CNTN3: variants seen among roughly 807,000 people sequenced by gnomAD.
CNTN3 encodes contactin-3.
A neutral mutation model predicts 119.1 loss-of-function variants in CNTN3; 60 were observed. That is an observed-to-expected ratio of 0.50 (90% CI 0.41 to 0.62). The LOEUF (loss-of-function observed/expected upper bound fraction) is 0.62, where lower values mean the gene tolerates loss of function less well. CNTN3 is among the 20% of genes least tolerant of loss of function. CNTN3 has a pLI of 0.00. For synonymous variants in CNTN3, 450 were observed against 438.7 expected, an observed-to-expected ratio of 1.03 and a Z score of -0.32; for missense variants, 1,101 against 1,242.4, an observed-to-expected ratio of 0.89 and a Z score of 1.71.
At chr3:74,532,189 G>C (rs1703702493) in intron 1 of CNTN3, among the ~76,000 whole-genome samples, 1 of 151,976 alleles carries the variant, frequency 6.6e-6, no homozygotes, top group African/African-American at 2.4e-5. Flanking sequence ...TGAAGAACCA[G>C]AGAAACAGAA....
At chr3:74,377,405 A>G (rs1488809) in intron 5 of CNTN3, among the ~76,000 whole-genome samples, 152,091 of 152,278 alleles carry the variant, frequency 1, 75,952 homozygotes, top group Non-Finnish European at 1. Flanking sequence ...TCATATCAGA[A>G]TTTACTTATC....
chr3:74,351,882 T>C (rs552094872), intron 11 of CNTN3, among the ~76,000 whole-genome samples: 2 of 152,320 alleles, frequency 1.3e-5, no homozygotes, highest in South Asian at 2.1e-4. Context: ...GTATGGGAGT[T>C]ATTGGCAAAG....
chr3:74,299,791 G>T, intron 17 of CNTN3, 77 bp downstream of exon 17: 1 of 1,183,578 alleles, frequency 8.4e-7, no homozygotes, highest in Non-Finnish European at 1.2e-6. Context: ...TGCACCATTG[G>T]CACCACCACC....
At chr3:74,314,753 AC>A (rs1702787681) in intron 13 of CNTN3, among the ~76,000 whole-genome samples, 1 of 152,212 alleles carries the variant, frequency 6.6e-6, no homozygotes, top group African/African-American at 2.4e-5. Context: ...CAGGCAGAAA[AC>A]AAGTAAAGAC....
rs1361604556 is a variant in CNTN3, at chr3:74,302,797, C to T, written c.1679G>A (p.Gly560Asp). The T allele has an allele frequency of 2.5e-6, 4 of 1,603,146 alleles. No homozygotes were observed. ...HFEKVGGSSS[G>D]DLMIRNIQLK... ...CTGAATGTTTCTGATCATTAAATCA[C>T]CAGATGAACTCTGTTGGGAAAACAG... The change falls in exon 14 of 23, where the codon GGT becomes GAT. Residue 560 changes from glycine to aspartate, a missense_variant. Gly to Asp is a moderately conservative substitution (Grantham distance 94). Coordinates refer to ENST00000263665, the MANE Select transcript of CNTN3 (RefSeq NM_020872.3).
intron 1 of CNTN3, among the ~76,000 whole-genome samples, chr3:74,523,982 C>G (rs1306642838): frequency 1.3e-5 from 2 of 151,824 alleles, no homozygotes; most frequent in Non-Finnish European, 2.9e-5. Flanking sequence ...ATGAGTCACT[C>G]AGGAGATTAA....
At chr3:74,538,979 T>C (rs1703803087) in intron 1 of CNTN3, among the ~76,000 whole-genome samples, 2 of 151,936 alleles carry the variant, frequency 1.3e-5, no homozygotes, top group African/African-American at 4.8e-5. Context: ...ATGTCACCCT[T>C]CTCACATTAA....
At chr3:74,504,774 ACT>A (rs1277841665) in intron 2 of CNTN3, among the ~76,000 whole-genome samples, 1 of 108,994 alleles carries the variant, frequency 9.2e-6, no homozygotes, top group Non-Finnish European at 2.2e-5. Context: ...ACTTTCCACA[ACT>A]CTTTGTCATT....
At position 74,264,484 on chromosome 3, in the gene CNTN3, A is replaced by G. The variant is rs1174304521; in HGVS notation, c.3004T>C (p.Ser1002Pro). ...TGGACATTCGAGATGGCTGAAGTGG[A>G]TCCTCTTGCATCCATACCTGTCAAA... ...PRITSMDARGSTSAISNVHPM... is the reference protein window; with the variant it reads ...PRITSMDARGPTSAISNVHPM... The change falls in exon 23 of 23, where the codon TCC (serine) becomes CCC (proline). Residue 1002 changes from serine to proline, a missense_variant. Transcript: ENST00000263665. 2.5e-6 allele frequency: 4 copies of G among 1,610,116 alleles called. No individual in the cohort carries two copies. The African/African-American group carries it at 4.0e-5, about 16-fold the overall frequency.
intron 4 of CNTN3, among the ~76,000 whole-genome samples, chr3:74,453,659 A>G (rs1172929456): frequency 1.3e-5 from 2 of 150,688 alleles, no homozygotes; most frequent in Non-Finnish European, 3.0e-5. Context: ...ATTTAGTGCT[A>G]TAAATTTCCC....
At chr3:74,581,513 T>A (rs1396934969) in intron 1 of CNTN3, among the ~76,000 whole-genome samples, 1 of 152,234 alleles carries the variant, frequency 6.6e-6, no homozygotes, top group South Asian at 2.1e-4. Context: ...GTTCATTGAG[T>A]GAAAGGTTCA....
intron 4 of CNTN3, among the ~76,000 whole-genome samples, chr3:74,457,181 G>C (rs1187408919): frequency 6.6e-6 from 1 of 151,858 alleles, no homozygotes; most frequent in African/African-American, 2.4e-5. Context: ...TTATAAAATT[G>C]TCTTTGTTGG....
chr3:74,523,206 A>T (rs1411037450), intron 1 of CNTN3, among the ~76,000 whole-genome samples: 1 of 151,910 alleles, frequency 6.6e-6, no homozygotes, highest in East Asian at 1.9e-4. Context: ...TATAACTGGC[A>T]GCCATAGTTT....
chr3:74,301,702 G>C lies in CNTN3; in HGVS notation c.1890C>G (p.Ser630=). 1 of 1,614,054 alleles carries C rather than the reference G, an allele frequency of 6.2e-7. No individual in the cohort carries two copies. The highest frequency in any genetic ancestry group is 1.1e-5 in the South Asian group (1 of 91,080). ...AAGGTGTCCGAGCCTGGATAGAATA[G>C]GATATAACTGGGCTATGGTTGTCTT... ...EGKDNHSPVI[S]YSIQARTPFS... is the part of the protein sequence containing the mutation. Residue 630 remains serine (S), a synonymous_variant, in exon 15 of 23, where the codon TCC becomes TCG. Coordinates refer to ENST00000263665, the MANE Select transcript of CNTN3 (RefSeq NM_020872.3).
At chr3:74,459,955 G>A (rs1361419620) in intron 4 of CNTN3, among the ~76,000 whole-genome samples, 2 of 151,902 alleles carry the variant, frequency 1.3e-5, no homozygotes, top group East Asian at 1.9e-4. Flanking sequence ...GCACACAGTG[G>A]TTTCAAATAT....
At chr3:74,317,472 G>C (rs1372876969) in intron 13 of CNTN3, among the ~76,000 whole-genome samples, 3 of 150,706 alleles carry the variant, frequency 2.0e-5, no homozygotes, top group African/African-American at 7.3e-5. Flanking sequence ...GCAGTGGCTG[G>C]TACCAGTTGT....
chr3:74,567,089 G>A (rs931947432), intron 1 of CNTN3, among the ~76,000 whole-genome samples: 1 of 152,012 alleles, frequency 6.6e-6, no homozygotes, highest in Non-Finnish European at 1.5e-5. Context: ...GTCTGTACAA[G>A]GGGCCACATA....
intron 17 of CNTN3, 132 bp downstream of exon 17, chr3:74,299,736 G>A: frequency 3.4e-6 from 2 of 594,990 alleles, no homozygotes; most frequent in East Asian, 3.0e-5. Context: ...ACCACCAGCA[G>A]CAGCAGCACC....
intron 11 of CNTN3, among the ~76,000 whole-genome samples, chr3:74,356,307 A>G (rs1703932634): frequency 6.6e-6 from 1 of 152,072 alleles, no homozygotes; most frequent in South Asian, 2.1e-4. Context: ...AAATGAACTA[A>G]GGCAGTACCC....
Sources: allele counts gnomAD v4.1 joint callset (sites outside exome capture counted in the v4.1 genomes callset), GRCh38; gene constraint gnomAD v4.1.1; transcripts MANE v1.5; gene names NCBI Gene and HGNC (gene_info 2026-07-23, HGNC 2026-07-21).